The following RADIL variants were observed in gnomAD, a reference collection of about 807,000 sequenced individuals.
The protein encoded by RADIL is Rap associating with DIL domain.
In RADIL, 99 loss-of-function variants were observed where a neutral mutation model predicts 97.6. That is an observed-to-expected ratio of 1.01 (90% CI 0.86 to 1.20). The LOEUF (loss-of-function observed/expected upper bound fraction) is 1.20, where lower values mean the gene tolerates loss of function less well. Among genes scored for constraint, RADIL ranks in the 50% most tolerant of loss-of-function variants. The pLI, the probability that RADIL is intolerant of heterozygous loss-of-function variation, is 0.00. For synonymous variants in RADIL, 803 were observed against 691.8 expected, an observed-to-expected ratio of 1.16 and a Z score of -2.52; for missense variants, 1,765 against 1,498.9, an observed-to-expected ratio of 1.18 and a Z score of -2.93.
At chr7:4,859,884 C>G (rs1308002726) in intron 2 of RADIL, 1 of 1,554,708 alleles carries the variant, frequency 6.4e-7, no homozygotes, top group African/African-American at 1.4e-5. Context: ...CAAGAATATC[C>G]TCTAGACTCC....
Position 4,831,195 on chromosome 7 carries a change from A to T in RADIL, c.1454+946T>A, listed in dbSNP as rs1783130062. ...AACAAGAGCGAAACCCCATCTCAAA[A>T]AAAGAAAAAAAAAAAAAAGCACGAG... On this transcript the variant is annotated intron_variant, in intron 5 of 14. Transcript: ENST00000399583. Among the ~76,000 whole-genome samples, 3 of 146,316 alleles carry T rather than the reference A, an allele frequency of 2.1e-5. No homozygotes were observed. The South Asian group carries it at 7.0e-4, about 34-fold the overall frequency.
intron 1 of RADIL, among the ~76,000 whole-genome samples, chr7:4,881,828 C>T (rs1292809144): frequency 6.6e-6 from 1 of 152,006 alleles, no homozygotes; most frequent in African/African-American, 2.4e-5. Flanking sequence ...TTTGTAAGGT[C>T]TGACATTTAC....
intron 11 of RADIL, 98 bp downstream of exon 11, chr7:4,803,448 T>C (rs1251789700): frequency 1.8e-6 from 2 of 1,087,172 alleles, no homozygotes; most frequent in Non-Finnish European, 2.5e-6. Flanking sequence ...GCACGCTGGC[T>C]GGGTGGCCCC....
rs1554261156 is a variant in RADIL at position 4,807,770 on chromosome 7, T to TCTCTCCCCTTCCTCCTCCGTCTC, written c.2140-2077_2140-2055dup. ...CCTCCTCCCTTTCTCCCCCTCCGTC[T>TCTCTCCCCTTCCTCCTCCGTCTC]CTCTCCCCTTCCTCCTCCGTCTCCT... On this transcript the variant is annotated intron_variant, in intron 9 of 14. Transcript: ENST00000399583. 1.7e-3 allele frequency among the ~76,000 whole-genome samples: 90 copies of TCTCTCCCCTTCCTCCTCCGTCTC among 53,744 alleles called. 5 individuals carry two copies. The highest frequency in any genetic ancestry group is 7.6e-3 in the African/African-American group (83 of 10,948). 35.3% of individuals were successfully genotyped at this position (53,744 alleles called of 152,430 possible).
intron 5 of RADIL, among the ~76,000 whole-genome samples, chr7:4,825,455 C>CA (rs905622041): frequency 3.5e-4 from 53 of 152,066 alleles, no homozygotes; most frequent in African/African-American, 1.3e-3. Context: ...TGGCGTGCCC[C>CA]AAAAAATGGG....
At chr7:4,827,516 C>T (rs568613988) in intron 5 of RADIL, among the ~76,000 whole-genome samples, 1 of 151,828 alleles carries the variant, frequency 6.6e-6, no homozygotes, top group Non-Finnish European at 1.5e-5. Context: ...AAAAAATTAG[C>T]CGGGCGTGGT....
At chr7:4,855,926 G>T (rs1245140747) in intron 2 of RADIL, among the ~76,000 whole-genome samples, 1 of 151,658 alleles carries the variant, frequency 6.6e-6, no homozygotes, top group Non-Finnish European at 1.5e-5. Flanking sequence ...TTCCCAAGCA[G>T]CTAGGATTAC....
rs1024230593 is a variant in RADIL, at chr7:4,816,131, G to A, written c.1966+97C>T. On this transcript the variant is annotated intron_variant, in intron 8 of 14. Transcript: ENST00000399583. ...CTCAGGGAGCAGGAGGCCAAAAAGG[G>A]CAGAGCCGCCTCCAGGAGCTGGCGA... 13 of 1,214,872 alleles carry A rather than the reference G, an allele frequency of 1.1e-5. 1 individual carries two copies. The highest frequency in any genetic ancestry group is 2.0e-4 in the Middle Eastern group (1 of 5,012). 75.3% of individuals were successfully genotyped at this position (1,214,872 alleles called of 1,614,324 possible). A position where few individuals can be genotyped will look rare whatever the true frequency, so the allele number is the denominator to read the frequency against.
At position 4,798,492 on chromosome 7, in the gene RADIL, A is replaced by C. The variant is rs1781979280; in HGVS notation, c.*886T>G. ...CCAGGAGGGCGCGGAAGCCACCCAC[A>C]CCCAGTTGGTGGAGCTGCTGAGGAT... On this transcript the variant is annotated 3_prime_UTR_variant, in exon 15 of 15. Transcript: ENST00000399583. The C allele has an allele frequency of 6.6e-6, 1 of 152,354 alleles. No individual in the cohort carries two copies. The highest frequency in any genetic ancestry group is 1.5e-5 in the Non-Finnish European group (1 of 68,060). 9.4% of individuals were successfully genotyped at this position (152,354 alleles called of 1,614,324 possible).
At chr7:4,828,057 T>C (rs1013213054) in intron 5 of RADIL, among the ~76,000 whole-genome samples, 3 of 152,178 alleles carry the variant, frequency 2.0e-5, no homozygotes, top group Non-Finnish European at 4.4e-5. Flanking sequence ...GAATGGCCAT[T>C]ATCAAAACAA....
intron 5 of RADIL, among the ~76,000 whole-genome samples, chr7:4,825,805 C>G (rs992956483): frequency 4.7e-5 from 7 of 149,176 alleles, no homozygotes; most frequent in Non-Finnish European, 1.0e-4. Context: ...GAACCAGGAC[C>G]CGGGAGGTGG....
At position 4,842,012 on chromosome 7, in the gene RADIL, G is replaced by A. The variant is rs1177452793; in HGVS notation, c.536-5407C>T. 7.3e-5 allele frequency among the ~76,000 whole-genome samples: 11 copies of A among 151,510 alleles called. No homozygotes were observed. Among genetic ancestry groups the A allele is most frequent in the South Asian group, 4.2e-4 (2 of 4,788 alleles). ...CGAGGCTGCAGTGAGCTACGATCAC[G>A]CCACCGCACTCCAGCCTGGGCAACA... On this transcript the variant is annotated intron_variant, in intron 2 of 14. Transcript: ENST00000399583. This position sits in a 1 kb window ranked among gnomAD's most constrained non-coding sequence, Gnocchi z 4.5.
intron 5 of RADIL, among the ~76,000 whole-genome samples, chr7:4,831,339 C>T (rs1471167295): frequency 6.6e-6 from 1 of 151,842 alleles, no homozygotes; most frequent in African/African-American, 2.4e-5. Context: ...GATGAGAACA[C>T]ATGGACACAG....
Position 4,817,555 on chromosome 7 carries a change from G to A in RADIL, c.1616-204C>T, listed in dbSNP as rs927730192. On this transcript the variant is annotated intron_variant, in intron 6 of 14. Transcript: ENST00000399583. The surrounding 1 kb of genome is among the most constrained non-coding windows in gnomAD (Gnocchi z 8.3). ...CTGCCGCCACTCTTACCTGGGGAGG[G>A]GAATGCCGGGAGGGGCAGGAGGGGT... 6.6e-6 allele frequency among the ~76,000 whole-genome samples: 1 copy of A among 152,168 alleles called. No homozygotes were observed. Among genetic ancestry groups the A allele is most frequent in the African/African-American group, 2.4e-5 (1 of 41,438 alleles).
At chr7:4,874,293 T>C (rs1054659711) in intron 2 of RADIL, among the ~76,000 whole-genome samples, 3 of 152,256 alleles carry the variant, frequency 2.0e-5, no homozygotes, top group African/African-American at 7.2e-5. Flanking sequence ...GGCGCGGGCC[T>C]GTTTGAGGCA....
Position 4,809,545 on chromosome 7 carries a change from G to C in RADIL, c.2140-3829C>G, listed in dbSNP as rs963778877. ...GGCGGCGGCTGCTCGGGAGCCCCCA[G>C]GCCCGCCCAGGCACCACGGCAGGTC... On this transcript the variant is annotated intron_variant, in intron 9 of 14. Transcript: ENST00000399583. 6.1e-6 allele frequency: 6 copies of C among 985,324 alleles called. No homozygotes were observed. In the African/African-American group the frequency reaches 1.0e-4, roughly 17 times the overall value. The allele number at this position is 985,324 out of a possible 1,614,324, so 61.0% of individuals were successfully genotyped here. A position where few individuals can be genotyped will look rare whatever the true frequency, so the allele number is the denominator to read the frequency against.
At position 4,863,031 on chromosome 7, in the gene RADIL, A is replaced by G. The variant is rs143725465; in HGVS notation, c.535+14574T>C. Among the ~76,000 whole-genome samples, 11 of 152,306 alleles carry G rather than the reference A, an allele frequency of 7.2e-5. No individual in the cohort carries two copies. In the East Asian group the frequency reaches 2.1e-3, roughly 29 times the overall value. On this transcript the variant is annotated intron_variant, in intron 2 of 14. Transcript: ENST00000399583. ...AGCTTCTTGGGCACTTCCTGGGAAT[A>G]TGTTCTCCCACTTGTCTCCTGATTC...
At chr7:4,861,666 G>T in intron 2 of RADIL, 1 of 1,601,390 alleles carries the variant, frequency 6.2e-7, no homozygotes, top group Non-Finnish European at 8.5e-7. Context: ...ACCCCGAAGG[G>T]CCTGAGGGTT....
At chr7:4,806,107 GGACA>G in intron 9 of RADIL, 3 of 950,482 alleles carry the variant, frequency 3.2e-6, no homozygotes, top group Non-Finnish European at 3.8e-6. Context: ...TGGAAGGCAG[GGACA>G]TTCATCATTT....
Sources: gnomAD v4.1 joint callset for allele counts (sites outside exome capture counted in the v4.1 genomes callset) on GRCh38, gnomAD v4.1.1 for gene constraint, Gnocchi (gnomAD v3.1) non-coding constraint, MANE v1.5 for transcripts, NCBI Gene and HGNC (gene_info 2026-07-23, HGNC 2026-07-21) for gene names.